PLEKHA7: variants seen among roughly 807,000 people sequenced by gnomAD.
PLEKHA7 encodes pleckstrin homology domain containing A7, also known as pleckstrin homology domain-containing family A member 7.
In PLEKHA7, 104 loss-of-function variants were observed where a neutral mutation model predicts 170.0. The ratio of observed to expected loss-of-function variants is 0.61; its 90% CI spans 0.52 to 0.72. PLEKHA7 has a LOEUF of 0.72. PLEKHA7 is among the 30% of genes least tolerant of loss of function. The pLI is 0.00. For synonymous variants in PLEKHA7, 648 were observed against 660.8 expected (o/e 0.98, Z 0.30); for missense variants, 1,615 against 1,671.7 (o/e 0.97, Z 0.59).
intron 3 of PLEKHA7, among the ~76,000 whole-genome samples, chr11:16,958,786 T>C (rs1316656038): frequency 6.6e-6 from 1 of 152,206 alleles, no homozygotes. Flanking sequence ...ATAGGTGACT[T>C]ATTTTCTACT....
At chr11:16,889,154 G>A (rs1431479895) in intron 3 of PLEKHA7, among the ~76,000 whole-genome samples, 2 of 150,006 alleles carry the variant, frequency 1.3e-5, no homozygotes, top group East Asian at 3.9e-4. Context: ...ATTGTGACTT[G>A]TCCCTGCCCC....
chr11:16,978,537 T>G (rs1165736582), intron 3 of PLEKHA7, among the ~76,000 whole-genome samples: 1 of 152,224 alleles, frequency 6.6e-6, no homozygotes, highest in Non-Finnish European at 1.5e-5. Context: ...ATTCTTTCAT[T>G]TGATGTACAT....
chr11:16,994,829 T>G (rs1864247602), intron 3 of PLEKHA7, among the ~76,000 whole-genome samples: 1 of 152,124 alleles, frequency 6.6e-6, no homozygotes, highest in Non-Finnish European at 1.5e-5. Flanking sequence ...CCAGGCCCCA[T>G]GCTTCCCTTC....
chr11:16,842,886 T>C (rs553765107), intron 8 of PLEKHA7, among the ~76,000 whole-genome samples: 3 of 152,338 alleles, frequency 2.0e-5, no homozygotes, highest in East Asian at 1.9e-4. Flanking sequence ...ATCTCTGTTT[T>C]ACAGATGTAG....
At chr11:16,878,090 C>T (rs1425733625) in intron 3 of PLEKHA7, among the ~76,000 whole-genome samples, 2 of 152,190 alleles carry the variant, frequency 1.3e-5, no homozygotes, top group Non-Finnish European at 2.9e-5. Flanking sequence ...TCACTATGAC[C>T]TTGGAATCAT....
At chr11:16,945,442 A>T (rs1237477798) in intron 3 of PLEKHA7, among the ~76,000 whole-genome samples, 1 of 152,088 alleles carries the variant, frequency 6.6e-6, no homozygotes, top group Admixed American at 6.6e-5. Flanking sequence ...CCTGTAATTG[A>T]CTGTTGTCTG....
chr11:16,849,065 A>T (rs1852704320), intron 8 of PLEKHA7, among the ~76,000 whole-genome samples: 1 of 152,182 alleles, frequency 6.6e-6, no homozygotes, highest in Non-Finnish European at 1.5e-5. Flanking sequence ...AAACACCACC[A>T]GATCTGTCTG....
chr11:16,982,096 G>T (rs754904585), intron 3 of PLEKHA7, among the ~76,000 whole-genome samples: 6 of 152,226 alleles, frequency 3.9e-5, no homozygotes, highest in Non-Finnish European at 7.3e-5. Flanking sequence ...GGCCAGGCTG[G>T]GGGGAACAAG....
intron 3 of PLEKHA7, among the ~76,000 whole-genome samples, chr11:16,917,194 G>A (rs1034451841): frequency 1.3e-5 from 2 of 152,068 alleles, no homozygotes; most frequent in Non-Finnish European, 2.9e-5. Context: ...CCTCCAGCCT[G>A]GGTGACACAG....
intron 3 of PLEKHA7, among the ~76,000 whole-genome samples, chr11:16,926,107 A>G (rs1449541185): frequency 6.6e-6 from 1 of 152,178 alleles, no homozygotes; most frequent in Non-Finnish European, 1.5e-5. Flanking sequence ...CTTCCCCACA[A>G]TGATTCAAGG....
At chr11:16,951,929 T>C (rs1393945524) in intron 3 of PLEKHA7, among the ~76,000 whole-genome samples, 4 of 152,244 alleles carry the variant, frequency 2.6e-5, no homozygotes, top group Admixed American at 6.5e-5. Context: ...AAAACAAGTA[T>C]GATTTCAGAG....
At chr11:16,870,665 A>T (rs1854764824) in intron 4 of PLEKHA7, among the ~76,000 whole-genome samples, 1 of 147,278 alleles carries the variant, frequency 6.8e-6, no homozygotes, top group African/African-American at 2.5e-5. Flanking sequence ...AAAAAAAGAT[A>T]TGGGGTCTTG....
intron 3 of PLEKHA7, among the ~76,000 whole-genome samples, chr11:16,877,295 T>C (rs1051697637): frequency 6.6e-6 from 1 of 152,202 alleles, no homozygotes; most frequent in Non-Finnish European, 1.5e-5. Flanking sequence ...CCAAGGATTC[T>C]GGATAACCTA....
chr11:16,791,358 G>A lies in PLEKHA7; in HGVS notation c.2746-159C>T. 6.0e-6 allele frequency: 4 copies of A among 672,096 alleles called. No homozygotes were observed. The highest frequency in any genetic ancestry group is 2.9e-5 in the Admixed American group (1 of 34,766). The allele number at this position is 672,096 out of a possible 1,614,324, so 41.6% of individuals were successfully genotyped here. A position where few individuals can be genotyped will look rare whatever the true frequency, so the allele number is the denominator to read the frequency against. On this transcript the variant is annotated intron_variant, in intron 19 of 26. Coordinates refer to ENST00000531066, the MANE Select transcript of PLEKHA7 (RefSeq NM_001329630.2). The surrounding 1 kb of genome is among the most constrained non-coding windows in gnomAD (Gnocchi z 4.5). ...AAGGAGCACTCACACTTCCCCTGGC[G>A]GAGCAGTGAAGAAGGGACATGCTCT...
rs550741646 is a variant in PLEKHA7 at position 16,990,273 on chromosome 11, C to CA, written c.221+23715dup. Among the ~76,000 whole-genome samples, 454 of 62,660 alleles carry CA rather than the reference C, an allele frequency of 7.2e-3. 15 individuals are homozygous for CA. In the East Asian group the frequency reaches 0.14, roughly 20 times the overall value. 41.1% of individuals were successfully genotyped at this position (62,660 alleles called of 152,430 possible). On this transcript the variant is annotated intron_variant, in intron 3 of 26. Transcript: ENST00000531066. The stretch of plus-strand genomic sequence containing the variant: ...TGGGCAACAGAGCAAGACCCTGTCT[C>CA]AAAAAAAAAAAAAAAAAAAAAAAAA...
intron 3 of PLEKHA7, among the ~76,000 whole-genome samples, chr11:17,000,075 G>C (rs1245533190): frequency 6.6e-6 from 1 of 152,032 alleles, no homozygotes; most frequent in Non-Finnish European, 1.5e-5. Flanking sequence ...GTAAGTACAA[G>C]AAACCTGTCT....
intron 3 of PLEKHA7, among the ~76,000 whole-genome samples, chr11:16,974,448 C>T (rs923044588): frequency 3.3e-5 from 5 of 152,092 alleles, no homozygotes; most frequent in Non-Finnish European, 4.4e-5. Context: ...CACAAATTTG[C>T]GTGTCATCCT....
At chr11:16,964,727 G>A (rs1189508442) in intron 3 of PLEKHA7, among the ~76,000 whole-genome samples, 1 of 152,202 alleles carries the variant, frequency 6.6e-6, no homozygotes, top group African/African-American at 2.4e-5. Flanking sequence ...CCAGCTGTGC[G>A]CTCTCTTACA....
At chr11:16,967,347 C>T (rs1435411832) in intron 3 of PLEKHA7, among the ~76,000 whole-genome samples, 1 of 152,218 alleles carries the variant, frequency 6.6e-6, no homozygotes, top group African/African-American at 2.4e-5. Context: ...TCCACACTCC[C>T]TACCACTCAG....
Sources: gnomAD v4.1 joint callset for allele counts (sites outside exome capture counted in the v4.1 genomes callset) on GRCh38, gnomAD v4.1.1 for gene constraint, Gnocchi (gnomAD v3.1) non-coding constraint, MANE v1.5 for transcripts, NCBI Gene and HGNC (gene_info 2026-07-23, HGNC 2026-07-21) for gene names.